The following UMAD1 variants were observed in gnomAD, a reference collection of about 807,000 sequenced individuals.
The protein encoded by UMAD1 is UBAP1-MVB12-associated (UMA)-domain containing protein 1.
A neutral mutation model predicts 6.1 loss-of-function variants in UMAD1; 8 were observed. That is an observed-to-expected ratio of 1.30 (90% CI 0.76 to 2.35). UMAD1 has a LOEUF of 2.35. Among genes scored for constraint, UMAD1 ranks in the 30% most tolerant of loss-of-function variants. The pLI is 0.00. For missense variants in UMAD1, 130 were observed against 78.4 expected (o/e 1.66, Z -2.49); for synonymous variants, 56 against 31.4 (o/e 1.78, Z -2.61).
intron 2 of UMAD1, among the ~76,000 whole-genome samples, chr7:7,682,809 C>T (rs1779945650): frequency 6.6e-6 from 1 of 152,140 alleles, no homozygotes; most frequent in South Asian, 2.1e-4. Context: ...TACTTTTGAC[C>T]TTTAAATTGC....
At chr7:7,723,747 A>G (rs555391418) in intron 2 of UMAD1, among the ~76,000 whole-genome samples, 1 of 152,322 alleles carries the variant, frequency 6.6e-6, no homozygotes, top group Admixed American at 6.5e-5. Flanking sequence ...GCAGGGGCCA[A>G]GTGGTGGCAC....
chr7:7,817,030 G>A (rs1001378659), intron 3 of UMAD1, among the ~76,000 whole-genome samples: 6 of 152,148 alleles, frequency 3.9e-5, no homozygotes, highest in Non-Finnish European at 2.9e-5. Flanking sequence ...CTGCTCCTCT[G>A]TGTAAACGTT....
chr7:7,831,378 A>G (rs1783463953), intron 3 of UMAD1, among the ~76,000 whole-genome samples: 1 of 152,248 alleles, frequency 6.6e-6, no homozygotes, highest in South Asian at 2.1e-4. Context: ...GAAATACTTG[A>G]TCATAAAATC....
intron 3 of UMAD1, among the ~76,000 whole-genome samples, chr7:7,838,619 C>G (rs1406823758): frequency 2.6e-5 from 4 of 152,130 alleles, no homozygotes; most frequent in Non-Finnish European, 5.9e-5. Context: ...TCTGGATGAA[C>G]TCTTGTACAC....
chr7:7,847,828 G>T (rs952735055), intron 3 of UMAD1, among the ~76,000 whole-genome samples: 1 of 152,112 alleles, frequency 6.6e-6, no homozygotes. Context: ...TGGGATTACA[G>T]GCATGAGGCA....
chr7:7,752,747 G>C (rs1247595022), intron 2 of UMAD1, among the ~76,000 whole-genome samples: 1 of 151,848 alleles, frequency 6.6e-6, no homozygotes, highest in African/African-American at 2.4e-5. Flanking sequence ...GCATTATAGA[G>C]GTTTGTTGGA....
intron 1 of UMAD1, among the ~76,000 whole-genome samples, chr7:7,650,795 G>A (rs1785207761): frequency 6.6e-6 from 1 of 152,076 alleles, no homozygotes; most frequent in South Asian, 2.1e-4. Context: ...ATTTCCTCCG[G>A]CATCACTGTT....
chr7:7,683,842 C>T (rs1024282956), intron 2 of UMAD1, among the ~76,000 whole-genome samples: 6 of 152,006 alleles, frequency 3.9e-5, no homozygotes, highest in African/African-American at 1.5e-4. Context: ...AGGCCGGTCT[C>T]AAACTCCTGA....
At chr7:7,838,793 A>G (rs1783620682) in intron 3 of UMAD1, among the ~76,000 whole-genome samples, 1 of 152,242 alleles carries the variant, frequency 6.6e-6, no homozygotes, top group Non-Finnish European at 1.5e-5. Flanking sequence ...ACATAGCAGT[A>G]TGGATGAATC....
intron 1 of UMAD1, among the ~76,000 whole-genome samples, chr7:7,643,592 G>C (rs1270271390): frequency 2.0e-5 from 3 of 152,014 alleles, no homozygotes; most frequent in African/African-American, 7.3e-5. Context: ...GGGGCCTGTA[G>C]TCCCAGCTAC....
At chr7:7,791,003 G>C (rs752339769) in intron 2 of UMAD1, among the ~76,000 whole-genome samples, 7 of 152,126 alleles carry the variant, frequency 4.6e-5, no homozygotes, top group Admixed American at 1.3e-4. Flanking sequence ...CACTCCTCCT[G>C]TCTCAGCCCC....
chr7:7,825,403 G>A (rs1209406065), intron 3 of UMAD1, among the ~76,000 whole-genome samples: 1 of 152,120 alleles, frequency 6.6e-6, no homozygotes, highest in African/African-American at 2.4e-5. Flanking sequence ...TTTTACAAAA[G>A]AAAGAGGTTT....
At chr7:7,718,788 C>T (rs1780984225) in intron 2 of UMAD1, among the ~76,000 whole-genome samples, 1 of 152,112 alleles carries the variant, frequency 6.6e-6, no homozygotes, top group African/African-American at 2.4e-5. Flanking sequence ...CTTTCTGACT[C>T]TCAGAAGCAA....
intron 3 of UMAD1, among the ~76,000 whole-genome samples, chr7:7,858,751 C>A (rs1357961435): frequency 6.6e-6 from 1 of 152,116 alleles, no homozygotes; most frequent in Non-Finnish European, 1.5e-5. Flanking sequence ...CCTATAACAT[C>A]CGGTTTTCCA....
intron 2 of UMAD1, among the ~76,000 whole-genome samples, chr7:7,774,680 A>G (rs1782166629): frequency 6.6e-6 from 1 of 152,196 alleles, no homozygotes; most frequent in Non-Finnish European, 1.5e-5. Context: ...GCTGTTTGAT[A>G]ATCCCACTAC....
chr7:7,877,232 A>G (rs908625504), intron 3 of UMAD1, 49 bp from the exon 4 acceptor site: 1 of 686,914 alleles, frequency 1.5e-6, no homozygotes, highest in African/African-American at 1.8e-5. Context: ...ACCGTTATTC[A>G]ACCTCAAAGT....
intron 1 of UMAD1, among the ~76,000 whole-genome samples, chr7:7,646,937 A>T (rs1207933923): frequency 6.6e-6 from 1 of 152,162 alleles, no homozygotes; most frequent in Non-Finnish European, 1.5e-5. Context: ...GCCTGTTCAC[A>T]TTTAGGGCTA....
At chr7:7,749,089 A>G (rs62432642) in intron 2 of UMAD1, among the ~76,000 whole-genome samples, 256 of 152,324 alleles carry the variant, frequency 1.7e-3, no homozygotes, top group Non-Finnish European at 3.2e-3. Context: ...ACTTTCTAGC[A>G]TGAGCCTTTC....
chr7:7,781,137 C>G (rs141251309), intron 2 of UMAD1, among the ~76,000 whole-genome samples: 199 of 152,236 alleles, frequency 1.3e-3, no homozygotes, highest in South Asian at 6.2e-3. Flanking sequence ...TGGCACAGTA[C>G]CTGACACATA....
Sources: allele counts gnomAD v4.1 joint callset (sites outside exome capture counted in the v4.1 genomes callset), GRCh38; gene constraint gnomAD v4.1.1; transcripts MANE v1.5; gene names NCBI Gene and HGNC (gene_info 2026-07-23, HGNC 2026-07-21).